The following DPY19L3 variants were observed in gnomAD, a reference collection of about 807,000 sequenced individuals.
The protein encoded by DPY19L3 is dpy-19 like C-mannosyltransferase 3.
DPY19L3 carries 51 observed loss-of-function variants against 92.3 expected under a neutral mutation model. The observed-to-expected ratio is 0.55, with a 90% confidence interval of 0.44 to 0.70. DPY19L3 has a LOEUF of 0.70. DPY19L3 is among the 30% of genes least tolerant of loss of function. DPY19L3 has a pLI of 0.00. For synonymous variants in DPY19L3, 309 were observed against 315.2 expected, an observed-to-expected ratio of 0.98 and a Z score of 0.21; for missense variants, 706 against 855.9, an observed-to-expected ratio of 0.82 and a Z score of 2.18.
rs1470108531 is a variant in DPY19L3, at chr19:32,458,083, TTC to T, written c.1090-13_1090-12del. ...TAAAGGACTAATAGCAATTTTTGTT[TTC>T]TCTTTCCCCGATAGAAAATTCTTAA... is the stretch of plus-strand genomic sequence containing the variant. On this transcript the variant is annotated splice_polypyrimidine_tract_variant and intron_variant, in intron 10 of 18. Coordinates refer to ENST00000392250, the MANE Select transcript of DPY19L3 (RefSeq NM_001172774.2). The T allele has an allele frequency of 6.2e-7, 1 of 1,601,250 alleles. No individual in the cohort carries two copies.
chr19:32,471,673 T>C (rs1970362498), intron 16 of DPY19L3, among the ~76,000 whole-genome samples: 1 of 152,158 alleles, frequency 6.6e-6, no homozygotes, highest in African/African-American at 2.4e-5. Context: ...GGGCTTCCGC[T>C]TGGAGATTCA....
At chr19:32,476,931 A>AT (rs917689708) in intron 16 of DPY19L3, among the ~76,000 whole-genome samples, 15 of 151,758 alleles carry the variant, frequency 9.9e-5, no homozygotes, top group Admixed American at 7.9e-4. Flanking sequence ...GGTATCTGTG[A>AT]TTTTTTTCCT....
intron 8 of DPY19L3, among the ~76,000 whole-genome samples, chr19:32,444,049 GA>G (rs1599633219): frequency 2.2e-5 from 3 of 138,874 alleles, no homozygotes; most frequent in African/African-American, 5.4e-5. Context: ...AAAAAAAAAA[GA>G]AAAAAAAATT....
chr19:32,482,322 AGTAG>A lies in DPY19L3; in HGVS notation c.*87_*90del. The A allele has an allele frequency of 6.7e-7, 1 of 1,501,778 alleles. No homozygotes were observed. The highest frequency in any genetic ancestry group is 9.0e-7 in the Non-Finnish European group (1 of 1,109,498). 93.0% of individuals were successfully genotyped at this position (1,501,778 alleles called of 1,614,324 possible). A position where few individuals can be genotyped will look rare whatever the true frequency, so the allele number is the denominator to read the frequency against. On this transcript the variant is annotated 3_prime_UTR_variant, in exon 19 of 19. Transcript: ENST00000392250. ...CTCAATAGATGACGTTTCCTATGTA[AGTAG>A]GTAGCCCAAACCTTCAAGCTGTGAT... is the stretch of plus-strand genomic sequence containing the variant.
intron 10 of DPY19L3, among the ~76,000 whole-genome samples, chr19:32,457,005 A>G (rs1399205736): frequency 1.3e-5 from 2 of 152,086 alleles, no homozygotes; most frequent in East Asian, 1.9e-4. Context: ...TACTAAAAAA[A>G]TTTTTTTCAA....
intron 3 of DPY19L3, among the ~76,000 whole-genome samples, chr19:32,427,601 T>C (rs536295887): frequency 6.6e-6 from 1 of 152,340 alleles, no homozygotes; most frequent in African/African-American, 2.4e-5. Context: ...AGACTGCTGA[T>C]TGCCTGAGTG....
chr19:32,482,417 A>C lies in DPY19L3; in HGVS notation c.*177A>C, dbSNP rs565022371. On this transcript the variant is annotated 3_prime_UTR_variant, in exon 19 of 19. Coordinates refer to ENST00000392250, the MANE Select transcript of DPY19L3 (RefSeq NM_001172774.2). The stretch of plus-strand genomic sequence containing the variant: ...TTTGAAAGCATCTTCTACAAGCAGA[A>C]GTCTTTTTCGTTGTGTGTCTATCTT... 1.5e-6 allele frequency: 1 copy of C among 682,234 alleles called. No individual in the cohort carries two copies. Among genetic ancestry groups the C allele is most frequent in the African/African-American group, 1.8e-5 (1 of 55,288 alleles). 42.3% of individuals were successfully genotyped at this position (682,234 alleles called of 1,614,324 possible).
At chr19:32,480,336 CAT>C in intron 17 of DPY19L3, 61 bp from the exon 18 acceptor site, 1 of 1,544,864 alleles carries the variant, frequency 6.5e-7, no homozygotes, top group South Asian at 1.3e-5. Context: ...GGTTACATCA[CAT>C]AGTTAACTCC....
intron 3 of DPY19L3, among the ~76,000 whole-genome samples, chr19:32,424,052 A>G (rs1315872543): frequency 1.3e-5 from 2 of 151,806 alleles, no homozygotes; most frequent in African/African-American, 4.8e-5. Context: ...ACAGTGGCTC[A>G]CAGCTGTCGT....
intron 3 of DPY19L3, 136 bp from the exon 4 acceptor site, chr19:32,432,580 T>A: frequency 1.5e-6 from 1 of 650,132 alleles, no homozygotes; most frequent in East Asian, 3.0e-5. Context: ...CCATTCTTGT[T>A]TGCCAAGATT....
At position 32,436,452 on chromosome 19, in the gene DPY19L3, A is replaced by G. The variant is rs1303828945; in HGVS notation, c.335A>G (p.His112Arg). Residue 112 changes from histidine to arginine, a missense_variant, in exon 5 of 19, where the codon CAT becomes CGT. His to Arg is a conservative substitution (Grantham distance 29). Coordinates refer to ENST00000392250, the MANE Select transcript of DPY19L3 (RefSeq NM_001172774.2). ...LQAPTLVQGF[H>R]GLIYDNKTES... ...ACTTTTCACATATCTATAGGTTTTC[A>G]TGGCCTAATATATGATAATAAAACT... The G allele has an allele frequency of 2.7e-6, 4 of 1,504,452 alleles. No homozygotes were observed. The highest frequency in any genetic ancestry group is 1.2e-5 in the South Asian group (1 of 81,386). The allele number at this position is 1,504,452 out of a possible 1,614,324, so 93.2% of individuals were successfully genotyped here.
intron 8 of DPY19L3, among the ~76,000 whole-genome samples, chr19:32,452,352 G>A (rs1436682459): frequency 6.6e-6 from 1 of 152,230 alleles, no homozygotes; most frequent in Admixed American, 6.5e-5. Context: ...AGAGGACAAG[G>A]TCATGCAGCA....
intron 17 of DPY19L3, among the ~76,000 whole-genome samples, chr19:32,479,383 A>G (rs1475855929): frequency 6.6e-6 from 1 of 152,032 alleles, no homozygotes; most frequent in Non-Finnish European, 1.5e-5. Context: ...CGTCCTGGGC[A>G]TCTCCTTTCC....
chr19:32,409,877 C>T (rs1288665773), intron 2 of DPY19L3, among the ~76,000 whole-genome samples: 1 of 152,158 alleles, frequency 6.6e-6, no homozygotes, highest in Non-Finnish European at 1.5e-5. Flanking sequence ...TTAGGCCCCA[C>T]CTCCAACATT....
chr19:32,469,639 G>C (rs559420911), intron 16 of DPY19L3, among the ~76,000 whole-genome samples: 7 of 152,134 alleles, frequency 4.6e-5, no homozygotes, highest in Non-Finnish European at 8.8e-5. Flanking sequence ...CCTAGGACCA[G>C]AGAAAATTTT....
chr19:32,414,368 C>T (rs1465871295), intron 3 of DPY19L3, among the ~76,000 whole-genome samples: 3 of 151,738 alleles, frequency 2.0e-5, no homozygotes, highest in Non-Finnish European at 2.9e-5. Context: ...TTGCAGTGAG[C>T]CGTGATCGCA....
At chr19:32,442,082 A>G (rs1467695941) in intron 8 of DPY19L3, among the ~76,000 whole-genome samples, 1 of 152,224 alleles carries the variant, frequency 6.6e-6, no homozygotes, top group African/African-American at 2.4e-5. Flanking sequence ...TAGTTTCTTC[A>G]TAAATTAGAA....
intron 15 of DPY19L3, chr19:32,468,009 C>T: frequency 1.0e-6 from 1 of 984,748 alleles, no homozygotes; most frequent in Non-Finnish European, 1.2e-6. Flanking sequence ...TTCATTGTAC[C>T]AGCAATTATA....
chr19:32,452,937 C>G (rs1226815523), intron 8 of DPY19L3, among the ~76,000 whole-genome samples: 1 of 151,682 alleles, frequency 6.6e-6, no homozygotes, highest in Non-Finnish European at 1.5e-5. Flanking sequence ...AACTCCTGAC[C>G]TCAGGTGATC....
Sources: allele counts gnomAD v4.1 joint callset (sites outside exome capture counted in the v4.1 genomes callset), GRCh38; gene constraint gnomAD v4.1.1; transcripts MANE v1.5; gene names NCBI Gene and HGNC (gene_info 2026-07-23, HGNC 2026-07-21).